The following LMBRD2 variants were observed in gnomAD, a reference collection of about 807,000 sequenced individuals.
The protein encoded by LMBRD2 is LMBR1 domain containing 2, also known as G protein-coupled receptor-associated protein LMBRD2.
A neutral mutation model predicts 94.4 loss-of-function variants in LMBRD2; 55 were observed. That is an observed-to-expected ratio of 0.58 (90% CI 0.47 to 0.73). The LOEUF (loss-of-function observed/expected upper bound fraction) is 0.73, where lower values mean the gene tolerates loss of function less well. LMBRD2 is among the 30% of genes least tolerant of loss of function. The pLI, the probability that LMBRD2 is intolerant of heterozygous loss-of-function variation, is 0.00. For missense variants in LMBRD2, 640 were observed against 831.9 expected, an observed-to-expected ratio of 0.77 and a Z score of 2.84; for synonymous variants, 246 against 272.4, an observed-to-expected ratio of 0.90 and a Z score of 0.95.
chr5:36,099,437 T>C lies in LMBRD2; in HGVS notation c.*4609A>G, dbSNP rs560787578. ...CAAAATATGAACAAAAACAAATCCA[T>C]TGGATTGCTTTTAAAAAATATATAC... On this transcript the variant is annotated 3_prime_UTR_variant, in exon 18 of 18. Coordinates refer to ENST00000296603, the MANE Select transcript of LMBRD2 (RefSeq NM_001007527.2). 4 of 152,216 alleles carry C rather than the reference T, an allele frequency of 2.6e-5. No homozygotes were observed. The highest frequency in any genetic ancestry group is 4.1e-4 in the South Asian group (2 of 4,822). The allele number at this position is 152,216 out of a possible 1,614,324, so 9.4% of individuals were successfully genotyped here.
chr5:36,109,640 G>A (rs1254604618), intron 15 of LMBRD2, among the ~76,000 whole-genome samples: 1 of 151,958 alleles, frequency 6.6e-6, no homozygotes, highest in African/African-American at 2.4e-5. Flanking sequence ...CACTTTAATA[G>A]CAAGAATACA....
intron 1 of LMBRD2, 93 bp from the exon 2 acceptor site, chr5:36,143,499 T>TA: frequency 1.2e-5 from 6 of 490,354 alleles, no homozygotes. Context: ...ATTAATACAT[T>TA]AATCAACTCT....
intron 6 of LMBRD2, among the ~76,000 whole-genome samples, chr5:36,130,789 T>A (rs1255086571): frequency 6.6e-6 from 1 of 151,998 alleles, no homozygotes; most frequent in Non-Finnish European, 1.5e-5. Context: ...GATCAAACCA[T>A]GAAGAAATCC....
In LMBRD2 at chr5:36,099,942, G is replaced by A. The variant is rs1176552863; in HGVS notation, c.*4104C>T. ...CTGCTGCAGTGGGAAGTAAGACAGA[G>A]CAGGACTACGGCCTGCCCTACTGGA... is the stretch of plus-strand genomic sequence containing the variant. On this transcript the variant is annotated 3_prime_UTR_variant, in exon 18 of 18. Transcript: ENST00000296603. The A allele has an allele frequency of 6.6e-6, 1 of 152,084 alleles. No individual in the cohort carries two copies. Among genetic ancestry groups the A allele is most frequent in the Non-Finnish European group, 1.5e-5 (1 of 68,020 alleles). The allele number at this position is 152,084 out of a possible 1,614,324, so 9.4% of individuals were successfully genotyped here.
At chr5:36,139,834 G>C (rs926555851) in intron 4 of LMBRD2, among the ~76,000 whole-genome samples, 1 of 152,148 alleles carries the variant, frequency 6.6e-6, no homozygotes, top group African/African-American at 2.4e-5. Flanking sequence ...CCTGAGAGTT[G>C]TACTATCACT....
intron 13 of LMBRD2, among the ~76,000 whole-genome samples, chr5:36,111,976 T>C (rs1221695849): frequency 2.0e-5 from 3 of 151,908 alleles, no homozygotes; most frequent in Non-Finnish European, 4.4e-5. Context: ...GCTCTTTTTA[T>C]TATATTAGTT....
chr5:36,143,173 T>C lies in LMBRD2; in HGVS notation c.174+3A>G, dbSNP rs1451507888. 3.2e-6 allele frequency: 5 copies of C among 1,583,412 alleles called. No homozygotes were observed. Among genetic ancestry groups the C allele is most frequent in the Non-Finnish European group, 3.4e-6 (4 of 1,163,956 alleles). ...AATTGTGAAAATAAATTTCACTCCT[T>C]ACCGTACTAACATCCAGAGGCAGTA... On this transcript the variant is annotated splice_donor_region_variant and intron_variant, in intron 2 of 17. Transcript: ENST00000296603.
At chr5:36,108,788 T>C in intron 15 of LMBRD2, 149 bp from the exon 16 acceptor site, 1 of 411,134 alleles carries the variant, frequency 2.4e-6, no homozygotes, top group African/African-American at 2.0e-5. Context: ...CATAGGTCAA[T>C]GTTTTTATTT....
chr5:36,124,326 G>A, intron 6 of LMBRD2, 61 bp from the exon 7 acceptor site: 2 of 938,488 alleles, frequency 2.1e-6, no homozygotes, highest in East Asian at 2.6e-5. Flanking sequence ...TATTCCAAAT[G>A]AGAATGCATT....
rs1743345458 is a variant in LMBRD2, at chr5:36,101,502, C to T, written c.*2544G>A. On this transcript the variant is annotated 3_prime_UTR_variant, in exon 18 of 18. Transcript: ENST00000296603. ...ATATGTATTTAGTAGTCCTATTTTG[C>T]AGTAGATGTCATTATATTTCAATAA... The T allele has an allele frequency of 6.6e-6, 1 of 151,792 alleles. No individual in the cohort carries two copies. Among genetic ancestry groups the T allele is most frequent in the Admixed American group, 6.6e-5 (1 of 15,210 alleles). 9.4% of individuals were successfully genotyped at this position (151,792 alleles called of 1,614,324 possible). A position where few individuals can be genotyped will look rare whatever the true frequency, so the allele number is the denominator to read the frequency against.
intron 5 of LMBRD2, 83 bp from the exon 6 acceptor site, chr5:36,136,602 G>T: frequency 8.7e-7 from 1 of 1,151,596 alleles, no homozygotes; most frequent in Non-Finnish European, 1.3e-6. Flanking sequence ...TAACACAGGA[G>T]ACACTGTTTC....
At chr5:36,137,804 G>T (rs1744306346) in intron 4 of LMBRD2, among the ~76,000 whole-genome samples, 1 of 152,180 alleles carries the variant, frequency 6.6e-6, no homozygotes, top group African/African-American at 2.4e-5. Flanking sequence ...GAAGCAAAAA[G>T]GGAGAAGGTC....
In LMBRD2 at chr5:36,104,101, T is replaced by A; in HGVS notation, c.2033A>T (p.Gln678Leu). 6.2e-7 allele frequency: 1 copy of A among 1,608,898 alleles called. No homozygotes were observed. The highest frequency in any genetic ancestry group is 8.5e-7 in the Non-Finnish European group (1 of 1,176,132). ...CATCGAGAGATATCGTCCACCAGGC[T>A]GATACCTAAAAAGGGAACATAAAGA... ...DPLESESGRY[Q>L]PGGRYLSMSR... Residue 678 changes from glutamine to leucine, a missense_variant, in exon 18 of 18, where the codon CAG becomes CTG. Around this residue, in one of 2 missense-constraint regions of LMBRD2, gnomAD observed 183 missense variants for 189.1 expected, o/e 0.97. Transcript: ENST00000296603.
At position 36,110,031 on chromosome 5, in the gene LMBRD2, G is replaced by A. The variant is rs754948231; in HGVS notation, c.1745-40C>T. ...ATGATCTCAAATATGGCATAACATGGTTTAATCAGACATAGTGCAACTGAA... is the reference window on the plus strand; with the variant it reads ...ATGATCTCAAATATGGCATAACATGATTTAATCAGACATAGTGCAACTGAA... On this transcript the variant is annotated intron_variant, in intron 14 of 17. Coordinates refer to ENST00000296603, the MANE Select transcript of LMBRD2 (RefSeq NM_001007527.2). The A allele has an allele frequency of 6.7e-6, 10 of 1,489,148 alleles. No individual in the cohort carries two copies. The Admixed American group carries it at 1.6e-4, about 23-fold the overall frequency. The allele number at this position is 1,489,148 out of a possible 1,614,324, so 92.2% of individuals were successfully genotyped here.
chr5:36,136,459 C>A lies in LMBRD2; in HGVS notation c.597G>T (p.Val199=), dbSNP rs1456915421. The change falls in exon 6 of 18, where the codon GTG becomes GTT. Residue 199 remains valine (V), a synonymous_variant. Transcript: ENST00000296603. ...CCACCAAGCCATACCCCAACAACAA[C>A]ACAAGAAGAAACAGACCCCATGTAT... ...AANTWGLFLL[V]LLLGYGLVEI... 1 of 1,613,890 alleles carries A rather than the reference C, an allele frequency of 6.2e-7. No homozygotes were observed. The highest frequency in any genetic ancestry group is 8.5e-7 in the Non-Finnish European group (1 of 1,179,940).
At position 36,129,200 on chromosome 5, in the gene LMBRD2, A is replaced by G. The variant is rs140116819; in HGVS notation, c.748-4935T>C. 8.2e-3 allele frequency among the ~76,000 whole-genome samples: 1,242 copies of G among 152,332 alleles called. 22 individuals carry two copies. Among genetic ancestry groups the G allele is most frequent in the African/African-American group, 0.029 (1,191 of 41,582 alleles). On this transcript the variant is annotated intron_variant, in intron 6 of 17. Transcript: ENST00000296603. Reference sequence around the variant, plus strand: ...AAGGGTAGAAAGTGTATTCAAAGTGATAATAATAGAGAACTTCCCAAACCT... The same window carrying G: ...AAGGGTAGAAAGTGTATTCAAAGTGGTAATAATAGAGAACTTCCCAAACCT...
intron 4 of LMBRD2, among the ~76,000 whole-genome samples, chr5:36,138,015 A>C (rs953749063): frequency 1.3e-5 from 2 of 152,198 alleles, no homozygotes; most frequent in Non-Finnish European, 1.5e-5. Context: ...GAAAGAACTG[A>C]GACAGAACTC....
At chr5:36,140,446 A>G (rs1744379732) in intron 4 of LMBRD2, among the ~76,000 whole-genome samples, 1 of 152,188 alleles carries the variant, frequency 6.6e-6, no homozygotes, top group Non-Finnish European at 1.5e-5. Flanking sequence ...CAAAGGTGCT[A>G]CTGGCCATAG....
At chr5:36,148,671 A>C (rs1300422105) in intron 1 of LMBRD2, among the ~76,000 whole-genome samples, 2 of 152,214 alleles carry the variant, frequency 1.3e-5, no homozygotes, top group African/African-American at 4.8e-5. Flanking sequence ...GCTTAACAGA[A>C]AAAAAACAGT....
Sources: gnomAD v4.1 joint callset for allele counts (sites outside exome capture counted in the v4.1 genomes callset) on GRCh38, gnomAD v4.1.1 for gene constraint, gnomAD v4.1.1 regional missense constraint, MANE v1.5 for transcripts, NCBI Gene and HGNC (gene_info 2026-07-23, HGNC 2026-07-21) for gene names.